The following CDH12 variants were observed in gnomAD, a reference collection of about 807,000 sequenced individuals.
CDH12 encodes the protein cadherin 12, also known as cadherin-12.
A neutral mutation model predicts 74.1 loss-of-function variants in CDH12; 41 were observed. The ratio of observed to expected loss-of-function variants is 0.55; its 90% CI spans 0.43 to 0.72. The LOEUF (loss-of-function observed/expected upper bound fraction) is 0.72. CDH12 is among the 30% of genes least tolerant of loss of function. CDH12 has a pLI of 0.00. For synonymous variants in CDH12, 399 were observed against 355.0 expected (o/e 1.12, Z -1.39); for missense variants, 945 against 977.2 (o/e 0.97, Z 0.44).
At chr5:22,623,397 T>C (rs968494911) in intron 1 of CDH12, among the ~76,000 whole-genome samples, 4 of 152,194 alleles carry the variant, frequency 2.6e-5, no homozygotes, top group African/African-American at 4.8e-5. Context: ...GATGGTATGA[T>C]TGTATATTTA....
At chr5:22,268,183 T>C (rs1049285575) in intron 3 of CDH12, among the ~76,000 whole-genome samples, 24 of 152,098 alleles carry the variant, frequency 1.6e-4, no homozygotes, top group African/African-American at 5.5e-4. Context: ...AATGAAGCCA[T>C]GTATTACTTT....
rs376989106 is a variant in CDH12 at position 21,894,382 on chromosome 5, GAA to G, written c.527-39594_527-39593del. The stretch of plus-strand genomic sequence containing the variant: ...CAACAGAGGGAGACACCGTCTCAAA[GAA>G]AAAAAAAAAAAAAAAAAAAAGAAAG... On this transcript the variant is annotated intron_variant, in intron 6 of 14. Coordinates refer to ENST00000382254, the MANE Select transcript of CDH12 (RefSeq NM_004061.5). 7.6e-4 allele frequency among the ~76,000 whole-genome samples: 56 copies of G among 73,424 alleles called. 1 individual carries two copies. Among genetic ancestry groups the G allele is most frequent in the African/African-American group, 2.3e-3 (53 of 22,806 alleles). 48.2% of individuals were successfully genotyped at this position (73,424 alleles called of 152,430 possible).
At chr5:21,942,592 A>T (rs1265381799) in intron 6 of CDH12, among the ~76,000 whole-genome samples, 4 of 151,806 alleles carry the variant, frequency 2.6e-5, no homozygotes, top group Non-Finnish European at 5.9e-5. Context: ...ATATGTATCC[A>T]TATATGTATA....
At chr5:22,472,895 A>G (rs1162368188) in intron 2 of CDH12, among the ~76,000 whole-genome samples, 2 of 152,168 alleles carry the variant, frequency 1.3e-5, no homozygotes, top group African/African-American at 2.4e-5. Context: ...TGCAAGTCAT[A>G]TAACATTCCC....
chr5:22,221,015 C>G (rs930460466), intron 3 of CDH12, among the ~76,000 whole-genome samples: 1 of 151,600 alleles, frequency 6.6e-6, no homozygotes, highest in Non-Finnish European at 1.5e-5. Flanking sequence ...CACAGACACA[C>G]ACAGACACAC....
rs765989240 is a variant in CDH12 at position 22,325,658 on chromosome 5, G to A, written c.-333+79599C>T. Among the ~76,000 whole-genome samples, 13 of 152,160 alleles carry A rather than the reference G, an allele frequency of 8.5e-5. No homozygotes were observed. In the East Asian group the frequency reaches 1.4e-3, roughly 16 times the overall value. On this transcript the variant is annotated intron_variant, in intron 3 of 14. Transcript: ENST00000382254. ...TCCCAGCACTTTGGGAGGCCGAGGCGGGCGCATCACAAGGTCAGGAGATCG... is the reference window on the plus strand; with the variant it reads ...TCCCAGCACTTTGGGAGGCCGAGGCAGGCGCATCACAAGGTCAGGAGATCG...
intron 1 of CDH12, chr5:22,580,327 T>G (rs1740019296): frequency 2.3e-6 from 1 of 440,204 alleles, no homozygotes; most frequent in African/African-American, 2.0e-5. Flanking sequence ...AAGTGGTGCT[T>G]GCACAGCATC....
At chr5:22,358,130 C>T (rs1018889180) in intron 3 of CDH12, among the ~76,000 whole-genome samples, 29 of 152,082 alleles carry the variant, frequency 1.9e-4, no homozygotes, top group African/African-American at 3.6e-4. Context: ...AATGGCAGGT[C>T]GGCCGTGGTG....
intron 3 of CDH12, among the ~76,000 whole-genome samples, chr5:22,249,486 C>T (rs949019934): frequency 6.6e-6 from 1 of 152,168 alleles, no homozygotes; most frequent in African/African-American, 2.4e-5. Context: ...GTATCCATAA[C>T]TAAAATCTGT....
At chr5:22,165,544 C>A (rs1748635200) in intron 4 of CDH12, among the ~76,000 whole-genome samples, 1 of 151,720 alleles carries the variant, frequency 6.6e-6, no homozygotes, top group Non-Finnish European at 1.5e-5. Flanking sequence ...ACATTCCAAG[C>A]ATTTGTGGTC....
chr5:22,200,312 T>C (rs963375663), intron 4 of CDH12, among the ~76,000 whole-genome samples: 1 of 152,116 alleles, frequency 6.6e-6, no homozygotes, highest in Non-Finnish European at 1.5e-5. Flanking sequence ...AGCCGGAGAA[T>C]AGGAATTAGT....
At chr5:22,410,625 T>A (rs2126471539) in intron 2 of CDH12, among the ~76,000 whole-genome samples, 1 of 152,278 alleles carries the variant, frequency 6.6e-6, no homozygotes, top group Non-Finnish European at 1.5e-5. Flanking sequence ...TTTATACATA[T>A]TAAATAAATT....
intron 1 of CDH12, among the ~76,000 whole-genome samples, chr5:22,546,610 T>C (rs559322647): frequency 1.5e-4 from 23 of 152,244 alleles, no homozygotes; most frequent in African/African-American, 5.5e-4. Context: ...AATTACACTA[T>C]AAATCATAGA....
rs1057113317 is a variant in CDH12, at chr5:22,683,345, C to T, written c.-523+169713G>A. Among the ~76,000 whole-genome samples, 9 of 152,050 alleles carry T rather than the reference C, an allele frequency of 5.9e-5. 1 individual carries two copies. In the East Asian group the frequency reaches 1.2e-3, roughly 20 times the overall value. ...GATTTGTAGCTAAATCAGTCCTCAC[C>T]GGAGGAGATTCAGGGTTATTTCAGT... On this transcript the variant is annotated intron_variant, in intron 1 of 14. Coordinates refer to ENST00000382254, the MANE Select transcript of CDH12 (RefSeq NM_004061.5).
chr5:22,745,633 TG>T (rs2127025411), intron 1 of CDH12, among the ~76,000 whole-genome samples: 2 of 152,260 alleles, frequency 1.3e-5, no homozygotes, highest in African/African-American at 4.8e-5. Flanking sequence ...TGAATGGAGC[TG>T]GAGGCCATTA....
chr5:22,034,668 T>C (rs1257179153), intron 5 of CDH12, among the ~76,000 whole-genome samples: 1 of 152,180 alleles, frequency 6.6e-6, no homozygotes, highest in South Asian at 2.1e-4. Flanking sequence ...GTAAATCTTA[T>C]AGAAAATCAA....
intron 1 of CDH12, among the ~76,000 whole-genome samples, chr5:22,630,585 C>A (rs1054701724): frequency 1.3e-5 from 2 of 152,094 alleles, no homozygotes; most frequent in Admixed American, 6.6e-5. Flanking sequence ...AATTGGCTAG[C>A]TATATGCAGA....
chr5:22,844,152 A>G (rs570189682), intron 1 of CDH12, among the ~76,000 whole-genome samples: 1 of 152,234 alleles, frequency 6.6e-6, no homozygotes, highest in East Asian at 1.9e-4. Context: ...TTCTCACAAG[A>G]AAATTGACTG....
intron 5 of CDH12, among the ~76,000 whole-genome samples, chr5:22,026,816 G>T (rs1561033079): frequency 6.6e-6 from 1 of 152,000 alleles, no homozygotes; most frequent in Admixed American, 6.6e-5. Context: ...TTTCACTTTG[G>T]TCTCACTTTC....
Sources: allele counts gnomAD v4.1 joint callset (sites outside exome capture counted in the v4.1 genomes callset), GRCh38; gene constraint gnomAD v4.1.1; transcripts MANE v1.5; gene names NCBI Gene and HGNC (gene_info 2026-07-23, HGNC 2026-07-21).